The following CACNB2 variants were observed in gnomAD, a reference collection of about 807,000 sequenced individuals.
CACNB2 encodes the protein calcium voltage-gated channel auxiliary subunit beta 2.
Under a neutral mutation model 73.3 loss-of-function variants are expected in CACNB2, and 42 were observed. The ratio of observed to expected loss-of-function variants is 0.57; its 90% CI spans 0.45 to 0.74. CACNB2 has a LOEUF of 0.74. Ranked by LOEUF, CACNB2 falls within the 30% of genes least tolerant of loss-of-function variation. The pLI, the probability that CACNB2 is intolerant of heterozygous loss-of-function variation, is 0.00. For synonymous variants in CACNB2, 348 were observed against 310.3 expected, an observed-to-expected ratio of 1.12 and a Z score of -1.28; for missense variants, 940 against 853.0, an observed-to-expected ratio of 1.10 and a Z score of -1.27.
chr10:18,343,269 C>G (rs1000018542), intron 2 of CACNB2, among the ~76,000 whole-genome samples: 6 of 152,112 alleles, frequency 3.9e-5, no homozygotes, highest in Non-Finnish European at 8.8e-5. Context: ...ATCCTTTCTT[C>G]CCTTCCTCCA....
In CACNB2 at chr10:18,150,887, A is replaced by G; in HGVS notation, c.125A>G (p.Tyr42Cys). Residue 42 changes from tyrosine to cysteine, a missense_variant, in exon 2 of 14, where the codon TAT becomes TGT. By Grantham distance (194) the Tyr-to-Cys change is radical. Transcript: ENST00000324631. Reference sequence around the variant, plus strand: ...TTTTTTTTTTTTTTTTTTTAGTCATATGGAAAAGGAGCCAGAAGGAAAAAC... The same window carrying G: ...TTTTTTTTTTTTTTTTTTTAGTCATGTGGAAAAGGAGCCAGAAGGAAAAAC... ...AGALGAAAQS[Y>C]GKGARRKNRF... 2.0e-6 allele frequency: 1 copy of G among 497,484 alleles called. No homozygotes were observed. The highest frequency in any genetic ancestry group is 3.0e-6 in the Non-Finnish European group (1 of 335,728). The allele number at this position is 497,484 out of a possible 1,614,324, so 30.8% of individuals were successfully genotyped here.
chr10:18,180,143 C>T (rs1028970385), intron 2 of CACNB2, among the ~76,000 whole-genome samples: 2 of 152,176 alleles, frequency 1.3e-5, no homozygotes. Flanking sequence ...TAGAAACCTA[C>T]TAGCCTCATT....
intron 5 of CACNB2, among the ~76,000 whole-genome samples, chr10:18,502,358 G>A (rs962114785): frequency 2.6e-5 from 4 of 151,288 alleles, no homozygotes; most frequent in African/African-American, 9.7e-5. Flanking sequence ...GATGGAGCCG[G>A]AGGCCATTAT....
At chr10:18,388,636 A>C (rs1468222424) in intron 2 of CACNB2, among the ~76,000 whole-genome samples, 1 of 152,146 alleles carries the variant, frequency 6.6e-6, no homozygotes, top group Non-Finnish European at 1.5e-5. Context: ...TTTACTACCA[A>C]ATTACTGGGT....
chr10:18,485,909 G>C lies in CACNB2; in HGVS notation c.334-12446G>C, dbSNP rs986674154. ...CCATAGTCTCTTACAATAGGGATCT[G>C]GGTCATTTTTTTTTTTTTTTTCATT... On this transcript the variant is annotated intron_variant, in intron 3 of 13. Coordinates refer to ENST00000324631, the MANE Select transcript of CACNB2 (RefSeq NM_201596.3). Among the ~76,000 whole-genome samples the C allele has an allele frequency of 5.2e-5, 6 of 116,310 alleles. No homozygotes were observed. In the South Asian group the frequency reaches 1.7e-3, roughly 32 times the overall value. The allele number at this position is 116,310 out of a possible 152,430, so 76.3% of individuals were successfully genotyped here.
chr10:18,201,039 A>G lies in CACNB2; in HGVS notation c.213+50064A>G, dbSNP rs2034855959. ...TCACTGGCTTCCATTTTATGGCCAA[A>G]TTAATTCTATTGGGTGATCATTTTA... On this transcript the variant is annotated intron_variant, in intron 2 of 13. Coordinates refer to ENST00000324631, the MANE Select transcript of CACNB2 (RefSeq NM_201596.3). Among the ~76,000 whole-genome samples the G allele has an allele frequency of 3.9e-5, 6 of 152,188 alleles. No individual in the cohort carries two copies. The South Asian group carries it at 1.2e-3, about 31-fold the overall frequency.
chr10:18,447,913 A>G (rs1365486504), intron 3 of CACNB2, among the ~76,000 whole-genome samples: 4 of 152,286 alleles, frequency 2.6e-5, no homozygotes, highest in Non-Finnish European at 5.9e-5. Context: ...TTTTCTTTTA[A>G]GGGCATGGGC....
intron 3 of CACNB2, among the ~76,000 whole-genome samples, chr10:18,444,721 A>T (rs1347215622): frequency 6.6e-6 from 1 of 152,216 alleles, no homozygotes; most frequent in African/African-American, 2.4e-5. Context: ...AATTTGTAAA[A>T]TAACAGCTTG....
At chr10:18,257,065 A>G (rs1428109985) in intron 2 of CACNB2, 4 of 152,254 alleles carry the variant, frequency 2.6e-5, no homozygotes, top group African/African-American at 9.6e-5. Flanking sequence ...CCAAACGTAA[A>G]CACTATTGGG....
intron 2 of CACNB2, among the ~76,000 whole-genome samples, chr10:18,190,562 TGAG>T (rs1407424791): frequency 6.6e-6 from 1 of 152,158 alleles, no homozygotes; most frequent in East Asian, 1.9e-4. Context: ...TCCTATTCAT[TGAG>T]GAGAAACTAA....
intron 2 of CACNB2, among the ~76,000 whole-genome samples, chr10:18,358,399 T>G (rs2042006064): frequency 6.6e-6 from 1 of 152,184 alleles, no homozygotes; most frequent in Admixed American, 6.6e-5. Flanking sequence ...ATCTATTCAA[T>G]GTATAAATGT....
chr10:18,499,312 T>C (rs182190788), intron 4 of CACNB2, among the ~76,000 whole-genome samples: 166 of 152,310 alleles, frequency 1.1e-3, no homozygotes, highest in African/African-American at 3.8e-3. Context: ...AAGGAGTTGA[T>C]AACTGCCGAT....
intron 2 of CACNB2, among the ~76,000 whole-genome samples, chr10:18,168,221 G>C: frequency 6.6e-6 from 1 of 152,114 alleles, no homozygotes; most frequent in Non-Finnish European, 1.5e-5. Context: ...AGGAGTTCAA[G>C]GCTGCAGTGA....
chr10:18,326,223 A>T (rs1445277200), intron 2 of CACNB2, among the ~76,000 whole-genome samples: 1 of 152,274 alleles, frequency 6.6e-6, no homozygotes, highest in Non-Finnish European at 1.5e-5. Flanking sequence ...CTGAATGATT[A>T]GGAATAAATA....
chr10:18,478,621 C>T (rs1342371542), intron 3 of CACNB2, among the ~76,000 whole-genome samples: 1 of 152,162 alleles, frequency 6.6e-6, no homozygotes, highest in East Asian at 1.9e-4. Flanking sequence ...ATTTAACATG[C>T]ACACGGGGAG....
At chr10:18,412,105 C>A (rs1354195274) in intron 3 of CACNB2, among the ~76,000 whole-genome samples, 3 of 152,168 alleles carry the variant, frequency 2.0e-5, no homozygotes, top group Non-Finnish European at 4.4e-5. Context: ...TGTTTATCCT[C>A]CAACAGGCTG....
At chr10:18,264,307 C>G (rs561745015) in intron 2 of CACNB2, among the ~76,000 whole-genome samples, 3 of 152,174 alleles carry the variant, frequency 2.0e-5, no homozygotes, top group Admixed American at 2.0e-4. Flanking sequence ...AAGCATTTAT[C>G]CTTTGTGTCA....
intron 2 of CACNB2, among the ~76,000 whole-genome samples, chr10:18,225,202 AC>A (rs1024284220): frequency 3.3e-5 from 5 of 151,978 alleles, no homozygotes; most frequent in African/African-American, 1.2e-4. Flanking sequence ...AGTCGGCAGA[AC>A]CTTTTTAATA....
chr10:18,281,014 TTGC>T (rs2038522433), intron 2 of CACNB2, among the ~76,000 whole-genome samples: 1 of 152,210 alleles, frequency 6.6e-6, no homozygotes, highest in South Asian at 2.1e-4. Flanking sequence ...GTGAATTACC[TTGC>T]TGGGCTTTCC....
Sources: gnomAD v4.1 joint callset for allele counts (sites outside exome capture counted in the v4.1 genomes callset) on GRCh38, gnomAD v4.1.1 for gene constraint, MANE v1.5 for transcripts, NCBI Gene and HGNC (gene_info 2026-07-23, HGNC 2026-07-21) for gene names.